Variants in RIT2 observed in about 807,000 individuals in gnomAD.
RIT2 encodes GTP-binding protein Rit2.
In RIT2, 24 loss-of-function variants were observed where a neutral mutation model predicts 23.7. The observed-to-expected ratio is 1.01, with a 90% CI of 0.73 to 1.43. The LOEUF (loss-of-function observed/expected upper bound fraction) is 1.43. RIT2 is among the 40% of genes most tolerant of loss of function. RIT2 has a pLI of 0.00. For missense variants in RIT2, 236 were observed against 266.9 expected (o/e 0.88, Z 0.81); for synonymous variants, 107 against 91.1 (o/e 1.17, Z -0.99).
chr18:43,082,697 A>AAC (rs745879236), intron 1 of RIT2, among the ~76,000 whole-genome samples: 8 of 151,858 alleles, frequency 5.3e-5, no homozygotes, highest in Non-Finnish European at 1.2e-4. Flanking sequence ...GCAAAAAAAA[A>AAC]CACACAATAA....
At chr18:42,846,787 TAAG>T (rs1318909176) in intron 4 of RIT2, among the ~76,000 whole-genome samples, 1 of 152,160 alleles carries the variant, frequency 6.6e-6, no homozygotes, top group Non-Finnish European at 1.5e-5. Flanking sequence ...TTCAAATTTA[TAAG>T]AAGTATTTAT....
intron 1 of RIT2, among the ~76,000 whole-genome samples, chr18:43,042,017 C>T (rs540555432): frequency 2.6e-5 from 4 of 152,102 alleles, no homozygotes; most frequent in African/African-American, 4.8e-5. Context: ...GATATTTATG[C>T]GAAGTACTAA....
At chr18:42,890,834 C>G (rs1908152843) in intron 4 of RIT2, among the ~76,000 whole-genome samples, 1 of 152,058 alleles carries the variant, frequency 6.6e-6, no homozygotes, top group Admixed American at 6.6e-5. Flanking sequence ...CCTTATTAAG[C>G]TTCCATAAAC....
At chr18:43,071,197 A>G (rs1912888871) in intron 1 of RIT2, among the ~76,000 whole-genome samples, 1 of 152,218 alleles carries the variant, frequency 6.6e-6, no homozygotes, top group South Asian at 2.1e-4. Flanking sequence ...GAAATTTGGA[A>G]GTAAACATCT....
At chr18:42,849,618 G>A (rs980576304) in intron 4 of RIT2, among the ~76,000 whole-genome samples, 3 of 152,102 alleles carry the variant, frequency 2.0e-5, no homozygotes, top group Non-Finnish European at 4.4e-5. Context: ...GAAGCACCAC[G>A]TTATCTTCAA....
chr18:42,837,153 CTTTTTTTTTTTTT>C (rs570701535), intron 4 of RIT2, among the ~76,000 whole-genome samples: 113 of 51,698 alleles, frequency 2.2e-3, no homozygotes, highest in Admixed American at 8.8e-3. Context: ...TTTTCTTTTT[CTTTTTTTTTTTTT>C]TTTTTTTTTT....
chr18:43,058,473 T>G (rs1197741274), intron 1 of RIT2, among the ~76,000 whole-genome samples: 1 of 152,166 alleles, frequency 6.6e-6, no homozygotes, highest in Non-Finnish European at 1.5e-5. Flanking sequence ...TGAGATGCAC[T>G]TCTGTACTAC....
At chr18:42,875,048 T>C (rs1054490748) in intron 4 of RIT2, among the ~76,000 whole-genome samples, 4 of 152,122 alleles carry the variant, frequency 2.6e-5, no homozygotes, top group Admixed American at 1.3e-4. Flanking sequence ...CATGTCATGG[T>C]GACTGGCACC....
intron 1 of RIT2, among the ~76,000 whole-genome samples, chr18:43,077,910 A>G (rs543933134): frequency 6.6e-6 from 1 of 152,346 alleles, no homozygotes; most frequent in South Asian, 2.1e-4. Context: ...AAAATGAGGC[A>G]AAATTACCTA....
At chr18:42,878,829 C>A (rs1023579380) in intron 4 of RIT2, among the ~76,000 whole-genome samples, 2 of 149,676 alleles carry the variant, frequency 1.3e-5, no homozygotes, top group African/African-American at 5.0e-5. Flanking sequence ...TTCTGTACCG[C>A]CCCCCGCCCC....
intron 4 of RIT2, among the ~76,000 whole-genome samples, chr18:42,914,360 T>C (rs1908847696): frequency 6.6e-6 from 1 of 152,100 alleles, no homozygotes; most frequent in South Asian, 2.1e-4. Flanking sequence ...ATAGCAGCTT[T>C]CTTCATAATA....
intron 1 of RIT2, among the ~76,000 whole-genome samples, chr18:43,095,311 G>T (rs770750123): frequency 7.9e-4 from 120 of 151,966 alleles, no homozygotes; most frequent in South Asian, 1.5e-3. Flanking sequence ...TCTGATGACC[G>T]GTGATGATGA....
chr18:42,917,724 C>G (rs996173844), intron 4 of RIT2, among the ~76,000 whole-genome samples: 6 of 152,134 alleles, frequency 3.9e-5, no homozygotes, highest in Non-Finnish European at 8.8e-5. Context: ...TAACCTGACC[C>G]TGCCTCCTCA....
intron 1 of RIT2, among the ~76,000 whole-genome samples, chr18:43,045,708 TA>T (rs1458906479): frequency 6.6e-6 from 1 of 152,178 alleles, no homozygotes; most frequent in African/African-American, 2.4e-5. Flanking sequence ...ATAATATTTT[TA>T]CCTCACCTCT....
chr18:42,898,841 G>A (rs1908400802), intron 4 of RIT2, among the ~76,000 whole-genome samples: 1 of 152,044 alleles, frequency 6.6e-6, no homozygotes, highest in African/African-American at 2.4e-5. Flanking sequence ...CTCCTCCAAT[G>A]TTTTCTTGTA....
At chr18:42,902,856 T>C (rs1002159862) in intron 4 of RIT2, among the ~76,000 whole-genome samples, 1 of 151,810 alleles carries the variant, frequency 6.6e-6, no homozygotes, top group African/African-American at 2.4e-5. Context: ...TCAGTAATTA[T>C]AGGCAAATGG....
chr18:42,919,980 G>C (rs1909012860), intron 4 of RIT2, among the ~76,000 whole-genome samples: 1 of 152,058 alleles, frequency 6.6e-6, no homozygotes, highest in African/African-American at 2.4e-5. Context: ...ATAAACTTTG[G>C]ACAGAATTTT....
intron 1 of RIT2, among the ~76,000 whole-genome samples, chr18:43,047,584 A>C (rs1053286408): frequency 6.6e-6 from 1 of 152,098 alleles, no homozygotes; most frequent in Non-Finnish European, 1.5e-5. Context: ...GGAAAACATA[A>C]AGAGAAAATC....
At chr18:43,109,835 T>TAA (rs5824470) in intron 1 of RIT2, among the ~76,000 whole-genome samples, 144,679 of 152,222 alleles carry the variant, frequency 0.95, 69,134 homozygotes, top group East Asian at 1. Flanking sequence ...AGATGTATGT[T>TAA]GACAACATTT....
Sources: allele counts gnomAD v4.1 joint callset (sites outside exome capture counted in the v4.1 genomes callset), GRCh38; gene constraint gnomAD v4.1.1; transcripts MANE v1.5; gene names NCBI Gene and HGNC (gene_info 2026-07-23, HGNC 2026-07-21).